Variants in PTPRT observed in about 807,000 individuals in gnomAD.
PTPRT encodes the protein receptor-type tyrosine-protein phosphatase T.
Under a neutral mutation model 176.8 loss-of-function variants are expected in PTPRT, and 56 were observed. The observed-to-expected ratio is 0.32, with a 90% confidence interval of 0.26 to 0.40. The LOEUF (loss-of-function observed/expected upper bound fraction) is 0.40, where lower values mean the gene tolerates loss of function less well. Ranked by LOEUF, PTPRT falls within the 10% of genes least tolerant of loss-of-function variation. The pLI, the probability that PTPRT is intolerant of heterozygous loss-of-function variation, is 1.00. For synonymous variants in PTPRT, 783 were observed against 739.0 expected, an observed-to-expected ratio of 1.06 and a Z score of -0.96; for missense variants, 1,540 against 1,908.2, an observed-to-expected ratio of 0.81 and a Z score of 3.60.
At chr20:43,000,254 C>A (rs369406348) in intron 1 of PTPRT, among the ~76,000 whole-genome samples, 1 of 151,692 alleles carries the variant, frequency 6.6e-6, no homozygotes, top group Non-Finnish European at 1.5e-5. Context: ...TTCGATGGTG[C>A]CAAGGAAAAC....
intron 9 of PTPRT, among the ~76,000 whole-genome samples, chr20:42,353,951 G>A (rs2058323219): frequency 6.6e-6 from 1 of 152,030 alleles, no homozygotes; most frequent in African/African-American, 2.4e-5. Context: ...GCTATTCAGG[G>A]GCTGAGGTGG....
chr20:42,766,787 GAA>G (rs1288863076), intron 5 of PTPRT, among the ~76,000 whole-genome samples: 1 of 152,164 alleles, frequency 6.6e-6, no homozygotes, highest in East Asian at 1.9e-4. Flanking sequence ...TTATTTCCCT[GAA>G]TTACAACTGG....
chr20:42,372,442 C>G (rs1299893972), intron 9 of PTPRT, among the ~76,000 whole-genome samples: 1 of 151,860 alleles, frequency 6.6e-6, no homozygotes, highest in African/African-American at 2.4e-5. Flanking sequence ...CACCACCATG[C>G]CTAGCTAAAT....
At chr20:42,864,362 G>C (rs1405505530) in intron 2 of PTPRT, among the ~76,000 whole-genome samples, 2 of 152,038 alleles carry the variant, frequency 1.3e-5, no homozygotes, top group Admixed American at 1.3e-4. Context: ...GAGAGGAGAG[G>C]GATGGCAGGC....
intron 22 of PTPRT, among the ~76,000 whole-genome samples, chr20:42,111,811 C>T (rs753694896): frequency 6.6e-6 from 1 of 152,206 alleles, no homozygotes; most frequent in South Asian, 2.1e-4. Context: ...CCACAGTCTG[C>T]ACTCTTAATC....
chr20:42,190,908 C>T (rs1271206026), intron 16 of PTPRT, among the ~76,000 whole-genome samples: 2 of 152,170 alleles, frequency 1.3e-5, no homozygotes, highest in Admixed American at 6.6e-5. Context: ...TTTAAAGCTA[C>T]AAAGCCTTAG....
chr20:42,828,628 G>A (rs977251482), intron 2 of PTPRT, among the ~76,000 whole-genome samples: 18 of 152,274 alleles, frequency 1.2e-4, no homozygotes, highest in Admixed American at 2.6e-4. Flanking sequence ...TAGGAACTTC[G>A]TGTCCTGAAT....
chr20:42,398,328 C>T (rs2058871469), intron 9 of PTPRT, among the ~76,000 whole-genome samples: 1 of 151,890 alleles, frequency 6.6e-6, no homozygotes, highest in African/African-American at 2.4e-5. Flanking sequence ...GCAGCAGTAG[C>T]CATAATGTAT....
At chr20:43,140,443 AGTGTGTGTGTGTGTGT>A (rs6147356) in intron 1 of PTPRT, among the ~76,000 whole-genome samples, 21,813 of 146,748 alleles carry the variant, frequency 0.15, 1,717 homozygotes, top group East Asian at 0.22. Context: ...ACCTCTGGGT[AGTGTGTGTGTGTGTGT>A]GTGTGTGTGT....
chr20:42,097,914 C>G (rs186089928), intron 27 of PTPRT, among the ~76,000 whole-genome samples: 1 of 152,188 alleles, frequency 6.6e-6, no homozygotes, highest in East Asian at 1.9e-4. Context: ...GGCAGGAAGC[C>G]TGCCGGGGAA....
intron 15 of PTPRT, among the ~76,000 whole-genome samples, chr20:42,200,241 T>G (rs1991395340): frequency 6.6e-6 from 1 of 152,208 alleles, no homozygotes; most frequent in Non-Finnish European, 1.5e-5. Flanking sequence ...GCCAACTAGC[T>G]GCAAGACCCA....
intron 18 of PTPRT, among the ~76,000 whole-genome samples, chr20:42,137,204 C>T (rs1287056174): frequency 2.6e-5 from 4 of 152,154 alleles, no homozygotes; most frequent in Non-Finnish European, 4.4e-5. Flanking sequence ...GCAATGGCCA[C>T]CCTCAGAGAC....
intron 1 of PTPRT, among the ~76,000 whole-genome samples, chr20:42,923,804 AC>A (rs1979313084): frequency 6.6e-6 from 1 of 151,032 alleles, no homozygotes; most frequent in Non-Finnish European, 1.5e-5. Flanking sequence ...CGTCATCAAT[AC>A]CCTATCCACT....
At chr20:42,206,428 C>T (rs111744946) in intron 15 of PTPRT, among the ~76,000 whole-genome samples, 8,975 of 152,232 alleles carry the variant, frequency 0.059, 851 homozygotes, top group African/African-American at 0.2. Flanking sequence ...GGTGCGCGCA[C>T]CATGCGCGAG....
intron 13 of PTPRT, among the ~76,000 whole-genome samples, chr20:42,278,086 T>C (rs2057075283): frequency 1.8e-4 from 4 of 22,582 alleles, no homozygotes; most frequent in Admixed American, 3.5e-4. Context: ...TATATATATA[T>C]ATATATATAT....
In PTPRT at chr20:42,497,564, C is replaced by T. The variant is rs138170757; in HGVS notation, c.1154-25002G>A. ...TTCCAAGTAGCTGAGATTATAGGCA[C>T]CCAACATTGTACCAGGCTCTTTTCT... is the stretch of plus-strand genomic sequence containing the variant. On this transcript the variant is annotated intron_variant, in intron 7 of 30. Coordinates refer to ENST00000373187, the MANE Select transcript of PTPRT (RefSeq NM_007050.6). Among the ~76,000 whole-genome samples the T allele has an allele frequency of 2.6e-3, 400 of 152,072 alleles. 2 individuals carry two copies. The highest frequency in any genetic ancestry group is 8.7e-3 in the African/African-American group (362 of 41,492).
rs935686789 is a variant in PTPRT at position 42,573,916 on chromosome 20, T to C, written c.1154-101354A>G. Among the ~76,000 whole-genome samples, 144 of 151,972 alleles carry C rather than the reference T, an allele frequency of 9.5e-4. 1 individual carries two copies. Among genetic ancestry groups the C allele is most frequent in the Non-Finnish European group, 2.5e-4 (17 of 67,944 alleles). On this transcript the variant is annotated intron_variant, in intron 7 of 30. Coordinates refer to ENST00000373187, the MANE Select transcript of PTPRT (RefSeq NM_007050.6). ...GGCCCGTGCCACCACGCCCGGTTAA[T>C]TTTTTGTATTTTTAGTAGAGACGGG... is the stretch of plus-strand genomic sequence containing the variant.
At chr20:42,177,691 T>C (rs1408289478) in intron 16 of PTPRT, among the ~76,000 whole-genome samples, 1 of 152,230 alleles carries the variant, frequency 6.6e-6, no homozygotes, top group African/African-American at 2.4e-5. Flanking sequence ...TTAGTGGCTT[T>C]AGTTTGGGGC....
chr20:42,325,746 C>A (rs1403733833), intron 11 of PTPRT, among the ~76,000 whole-genome samples: 9 of 152,334 alleles, frequency 5.9e-5, no homozygotes, highest in Middle Eastern at 3.4e-3. Context: ...CTCCCCTCTG[C>A]TCAAAGCCCC....
Sources: gnomAD v4.1 joint callset for allele counts (sites outside exome capture counted in the v4.1 genomes callset) on GRCh38, gnomAD v4.1.1 for gene constraint, MANE v1.5 for transcripts, NCBI Gene and HGNC (gene_info 2026-07-23, HGNC 2026-07-21) for gene names.